MOB1A: variants seen among roughly 807,000 people sequenced by gnomAD.
The protein encoded by MOB1A is MOB kinase activator 1A.
Under a neutral mutation model 25.1 loss-of-function variants are expected in MOB1A, and 10 were observed. The ratio of observed to expected loss-of-function variants is 0.40; its 90% confidence interval spans 0.25 to 0.68. The LOEUF (loss-of-function observed/expected upper bound fraction) is 0.68, where lower values mean the gene tolerates loss of function less well. MOB1A is among the 30% of genes least tolerant of loss of function. The probability of loss-of-function intolerance (pLI) is 0.40; values close to 1 mark genes in which losing one functional copy is unlikely to be tolerated. For synonymous variants in MOB1A, 81 were observed against 79.5 expected (o/e 1.02, Z -0.10); for missense variants, 177 against 256.3 (o/e 0.69, Z 2.11).
chr2:74,171,174 G>A (rs959399155), intron 2 of MOB1A, among the ~76,000 whole-genome samples: 1 of 151,692 alleles, frequency 6.6e-6, no homozygotes, highest in Non-Finnish European at 1.5e-5. Flanking sequence ...CTCAGCTACT[G>A]GGGAGGCTGA....
chr2:74,167,156 A>G, intron 2 of MOB1A, 49 bp from the exon 3 acceptor site: 1 of 1,427,714 alleles, frequency 7.0e-7, no homozygotes, highest in Middle Eastern at 1.8e-4. Flanking sequence ...AACACAAAAT[A>G]TGAGACCTCC....
rs1331645755 is a variant in MOB1A, at chr2:74,156,024, C to A, written c.*544G>T. On this transcript the variant is annotated 3_prime_UTR_variant, in exon 6 of 6. Transcript: ENST00000396049. Reference sequence around the variant, plus strand: ...CGTATCTTATCTATAAAAACACTACCATACAAACTTGAAACTAAAATGTTA... The same window carrying A: ...CGTATCTTATCTATAAAAACACTACAATACAAACTTGAAACTAAAATGTTA... 1.3e-5 allele frequency: 2 copies of A among 152,608 alleles called. No individual in the cohort carries two copies. Among genetic ancestry groups the A allele is most frequent in the African/African-American group, 4.8e-5 (2 of 41,434 alleles). 9.5% of individuals were successfully genotyped at this position (152,608 alleles called of 1,614,324 possible). A position where few individuals can be genotyped will look rare whatever the true frequency, so the allele number is the denominator to read the frequency against.
chr2:74,166,820 G>A (rs1476511447), intron 3 of MOB1A, among the ~76,000 whole-genome samples, 194 bp downstream of exon 3: 1 of 152,184 alleles, frequency 6.6e-6, no homozygotes, highest in Non-Finnish European at 1.5e-5. Flanking sequence ...TGGCAACAGA[G>A]CGAGACTCTG....
At chr2:74,175,084 C>A (rs1439655925) in intron 1 of MOB1A, among the ~76,000 whole-genome samples, 2 of 152,206 alleles carry the variant, frequency 1.3e-5, no homozygotes, top group South Asian at 2.1e-4. Context: ...GCTGGCATTA[C>A]CACCTGAGCT....
chr2:74,156,221 C>A lies in MOB1A; in HGVS notation c.*347G>T. The A allele has an allele frequency of 5.4e-6, 1 of 185,428 alleles. No individual in the cohort carries two copies. Among genetic ancestry groups the A allele is most frequent in the Non-Finnish European group, 1.1e-5 (1 of 89,742 alleles). 11.5% of individuals were successfully genotyped at this position (185,428 alleles called of 1,614,324 possible). A position where few individuals can be genotyped will look rare whatever the true frequency, so the allele number is the denominator to read the frequency against. ...ATGTCCATTGTGCTGTCACCTAAAACAGATTCAATCATTTTCTTGTAAAGA... is the reference window on the plus strand; with the variant it reads ...ATGTCCATTGTGCTGTCACCTAAAAAAGATTCAATCATTTTCTTGTAAAGA... On this transcript the variant is annotated 3_prime_UTR_variant, in exon 6 of 6. Transcript: ENST00000396049.
intron 2 of MOB1A, among the ~76,000 whole-genome samples, chr2:74,171,713 G>C (rs540289956): frequency 1.6e-4 from 24 of 152,224 alleles, no homozygotes; most frequent in African/African-American, 5.3e-4. Context: ...GACCAGCCTG[G>C]GCAACATGGT....
Position 74,156,607 on chromosome 2 carries a change from A to G in MOB1A, c.612T>C (p.Leu204=), listed in dbSNP as rs368065391. The change falls in exon 6 of 6, where the codon CTT becomes CTC. Residue 204 remains leucine (L), a synonymous_variant. Transcript: ENST00000396049. The part of the protein sequence containing the change: ...NLIDRRELAP[L]QELIEKLGSK... The stretch of plus-strand genomic sequence containing the variant: ...ATCCAAGTTTCTCTATTAATTCTTG[A>G]AGAGGTGCCAGCTCACGCCTATCAA... 70 of 1,555,666 alleles carry G rather than the reference A, an allele frequency of 4.5e-5. No individual in the cohort carries two copies. Among genetic ancestry groups the G allele is most frequent in the Non-Finnish European group, 5.8e-5 (67 of 1,148,758 alleles).
intron 1 of MOB1A, among the ~76,000 whole-genome samples, chr2:74,174,421 C>A (rs371492396): frequency 2.0e-5 from 3 of 151,832 alleles, no homozygotes; most frequent in African/African-American, 4.8e-5. Context: ...CATAGTAAGG[C>A]GGAATGGGGG....
chr2:74,156,514 G>C lies in MOB1A; in HGVS notation c.*54C>G. Reference sequence around the variant, plus strand: ...ACTAGTCTATAACAGATAGCAATGAGATAGTTCTAGCAATAGATGAAGCAA... The same window carrying C: ...ACTAGTCTATAACAGATAGCAATGACATAGTTCTAGCAATAGATGAAGCAA... On this transcript the variant is annotated 3_prime_UTR_variant, in exon 6 of 6. Transcript: ENST00000396049. 8.0e-7 allele frequency: 1 copy of C among 1,250,448 alleles called. No individual in the cohort carries two copies. The highest frequency in any genetic ancestry group is 1.1e-6 in the Non-Finnish European group (1 of 873,242). The allele number at this position is 1,250,448 out of a possible 1,614,324, so 77.5% of individuals were successfully genotyped here.
chr2:74,174,894 G>T (rs1693406033), intron 1 of MOB1A, among the ~76,000 whole-genome samples: 1 of 152,172 alleles, frequency 6.6e-6, no homozygotes, highest in South Asian at 2.1e-4. Context: ...GAGAAAAACT[G>T]TTCAATTAAA....
At chr2:74,156,718 G>A (rs771899484) in intron 5 of MOB1A, 73 bp from the exon 6 acceptor site, 89 of 1,095,526 alleles carry the variant, frequency 8.1e-5, no homozygotes, top group Non-Finnish European at 1.1e-4. Flanking sequence ...TTTGGAGAAG[G>A]GATTCCCAAC....
intron 4 of MOB1A, chr2:74,163,988 A>G (rs1693054584): frequency 6.6e-6 from 1 of 152,170 alleles, no homozygotes; most frequent in Non-Finnish European, 1.5e-5. Context: ...TCTGAAAAAG[A>G]AGAGCGAGGA....
chr2:74,158,778 C>CAAAAA (rs58720139), intron 5 of MOB1A, among the ~76,000 whole-genome samples: 3 of 82,040 alleles, frequency 3.7e-5, no homozygotes, highest in African/African-American at 1.2e-4. Flanking sequence ...GACCCTGTCT[C>CAAAAA]AAAAAAAAAA....
intron 4 of MOB1A, among the ~76,000 whole-genome samples, chr2:74,163,555 T>C (rs1443923265): frequency 2.0e-5 from 3 of 152,112 alleles, no homozygotes; most frequent in African/African-American, 4.8e-5. Context: ...GGAGGATCAC[T>C]GGAGCCCAGG....
chr2:74,160,379 C>G (rs1287505606), intron 4 of MOB1A, among the ~76,000 whole-genome samples: 1 of 152,090 alleles, frequency 6.6e-6, no homozygotes, highest in Non-Finnish European at 1.5e-5. Flanking sequence ...GGACTGGAAA[C>G]TCTCCTAAGC....
intron 4 of MOB1A, among the ~76,000 whole-genome samples, chr2:74,160,357 C>A (rs969314022): frequency 6.6e-6 from 1 of 152,068 alleles, no homozygotes; most frequent in East Asian, 1.9e-4. Flanking sequence ...TACATACGCA[C>A]TCTCTCAATG....
chr2:74,169,443 G>A (rs903049971), intron 2 of MOB1A, among the ~76,000 whole-genome samples: 3 of 152,112 alleles, frequency 2.0e-5, no homozygotes, highest in Admixed American at 1.3e-4. Context: ...CAGCTGCAGT[G>A]AGCCAAGATC....
intron 5 of MOB1A, among the ~76,000 whole-genome samples, chr2:74,158,154 T>C (rs1572953321): frequency 7.8e-6 from 1 of 127,754 alleles, no homozygotes; most frequent in Non-Finnish European, 1.5e-5. Context: ...CACTCCAGTC[T>C]GGGCGACAGA....
At chr2:74,176,122 A>ACG (rs1416290512) in intron 1 of MOB1A, among the ~76,000 whole-genome samples, 1 of 129,016 alleles carries the variant, frequency 7.8e-6, no homozygotes, top group Non-Finnish European at 1.7e-5. Flanking sequence ...ACACACACAC[A>ACG]CAAACTAGCC....
Sources: allele counts gnomAD v4.1 joint callset (sites outside exome capture counted in the v4.1 genomes callset), GRCh38; gene constraint gnomAD v4.1.1; transcripts MANE v1.5; gene names NCBI Gene and HGNC (gene_info 2026-07-23, HGNC 2026-07-21).